Variants in NFYC observed in about 807,000 individuals in gnomAD.
NFYC encodes the protein nuclear transcription factor Y subunit gamma.
NFYC carries 25 observed loss-of-function variants against 53.1 expected under a neutral mutation model. The ratio of observed to expected loss-of-function variants is 0.47; its 90% confidence interval spans 0.34 to 0.66. The LOEUF (loss-of-function observed/expected upper bound fraction) is 0.66. Among genes scored for constraint, NFYC ranks in the 30% least tolerant of loss-of-function variants. The pLI is 0.01. For synonymous variants in NFYC, 145 were observed against 152.6 expected (o/e 0.95, Z 0.37); for missense variants, 260 against 422.7 (o/e 0.62, Z 3.38).
chr1:40,754,351 T>C, intron 5 of NFYC: 1 of 534,568 alleles, frequency 1.9e-6, no homozygotes, highest in Non-Finnish European at 3.8e-6. Context: ...TCTCCGTTCT[T>C]TCTGGGCAGT....
chr1:40,753,249 G>A lies in NFYC; in HGVS notation c.387+3G>A, dbSNP rs572169288. 1 of 1,609,202 alleles carries A rather than the reference G, an allele frequency of 6.2e-7. No homozygotes were observed. Among genetic ancestry groups the A allele is most frequent in the African/African-American group, 1.3e-5 (1 of 74,948 alleles). ...AACTGAAACCTCCAAAGCGTCAGGT[G>A]AGCTGTGAAGGGATTGCAGTTGCTG... On this transcript the variant is annotated splice_donor_region_variant and intron_variant, in intron 5 of 9. Transcript: ENST00000447388.
intron 1 of NFYC, among the ~76,000 whole-genome samples, chr1:40,731,803 A>G (rs989917960): frequency 6.6e-6 from 1 of 151,976 alleles, no homozygotes. Context: ...ATTTTTCTTA[A>G]TCTTTCTTCA....
intron 1 of NFYC, among the ~76,000 whole-genome samples, chr1:40,698,890 C>T (rs925002014): frequency 3.9e-5 from 6 of 152,182 alleles, no homozygotes; most frequent in African/African-American, 7.2e-5. Flanking sequence ...ATGGGCCGGG[C>T]GCCGTGGCTC....
intron 1 of NFYC, among the ~76,000 whole-genome samples, chr1:40,720,760 C>G (rs981540074): frequency 1.3e-5 from 2 of 152,114 alleles, no homozygotes; most frequent in Non-Finnish European, 2.9e-5. Flanking sequence ...CCCCGCTACT[C>G]AGGAGGCTGA....
chr1:40,698,739 C>T (rs897307031), intron 1 of NFYC, among the ~76,000 whole-genome samples: 2 of 152,164 alleles, frequency 1.3e-5, no homozygotes, highest in African/African-American at 4.8e-5. Flanking sequence ...TATCCTTTGC[C>T]TCCCGGGTTC....
intron 2 of NFYC, among the ~76,000 whole-genome samples, chr1:40,745,074 CTTA>C (rs1264493658): frequency 6.6e-6 from 1 of 152,130 alleles, no homozygotes; most frequent in Non-Finnish European, 1.5e-5. Context: ...TAAAGCAGAG[CTTA>C]TTATAAATTT....
intron 1 of NFYC, among the ~76,000 whole-genome samples, chr1:40,694,153 A>G (rs901516145): frequency 6.6e-6 from 1 of 152,246 alleles, no homozygotes; most frequent in African/African-American, 2.4e-5. Flanking sequence ...CCAAGTGCCT[A>G]GTGTAAAGAG....
chr1:40,766,631 C>T lies in NFYC; in HGVS notation c.756C>T (p.Arg252=), dbSNP rs1570748369. 2.3e-5 allele frequency: 37 copies of T among 1,614,016 alleles called. No individual in the cohort carries two copies. The East Asian group carries it at 8.2e-4, about 36-fold the overall frequency. ...QLNAGQLQYI[R]LAQPVSGTQV... ...ATGCCGGCCAGCTGCAGTATATCCG[C>T]TTAGCCCAGCCTGTATCAGGCACTC... Residue 252 remains arginine, a synonymous_variant, in exon 8 of 10, where the codon CGC becomes CGT. Coordinates refer to ENST00000447388, the MANE Select transcript of NFYC (RefSeq NM_014223.5).
rs768256782 is a variant in NFYC at position 40,770,514 on chromosome 1, C to T, written c.889-195C>T. ...CTCTTCCCTGCCCACCACACACCCC[C>T]CCTCACACCGGGCTGGTGCCTCCTG... On this transcript the variant is annotated intron_variant, in intron 9 of 9. Transcript: ENST00000447388. The surrounding 1 kb of genome is among the most constrained non-coding windows in gnomAD (Gnocchi z 5.3). The T allele has an allele frequency of 1.3e-5, 21 of 1,556,308 alleles. No homozygotes were observed. The highest frequency in any genetic ancestry group is 1.0e-5 in the Non-Finnish European group (12 of 1,149,708).
chr1:40,735,653 T>C (rs1570525830), intron 1 of NFYC: 4 of 985,346 alleles, frequency 4.1e-6, no homozygotes, highest in Admixed American at 6.1e-5. Context: ...TACAGAGATA[T>C]CGTCCTGGCA....
intron 5 of NFYC, among the ~76,000 whole-genome samples, chr1:40,756,549 T>G (rs1646233024): frequency 6.6e-6 from 1 of 152,160 alleles, no homozygotes; most frequent in Admixed American, 6.5e-5. Flanking sequence ...AGTCCTAGTT[T>G]TAGTATCCTA....
At chr1:40,760,841 A>T (rs1646506313) in intron 6 of NFYC, among the ~76,000 whole-genome samples, 1 of 152,236 alleles carries the variant, frequency 6.6e-6, no homozygotes, top group African/African-American at 2.4e-5. Flanking sequence ...GAGGGTTCAA[A>T]GATAATGGCT....
chr1:40,730,397 G>A (rs989802874), intron 1 of NFYC, among the ~76,000 whole-genome samples: 2 of 152,040 alleles, frequency 1.3e-5, no homozygotes, highest in South Asian at 4.1e-4. Context: ...CTTAGAGGCC[G>A]TTGTAGGGTT....
chr1:40,726,337 C>T (rs1189015756), intron 1 of NFYC, among the ~76,000 whole-genome samples: 6 of 151,756 alleles, frequency 4.0e-5, no homozygotes, highest in South Asian at 2.1e-4. Flanking sequence ...AGGCTGGTTT[C>T]GAACTCCTGA....
At chr1:40,768,569 A>G (rs1365925655) in intron 8 of NFYC, 2 of 152,228 alleles carry the variant, frequency 1.3e-5, no homozygotes. Context: ...TGCTGGCCAA[A>G]TGTTCCATAG....
chr1:40,768,661 A>G (rs1371657109), intron 8 of NFYC: 3 of 152,378 alleles, frequency 2.0e-5, no homozygotes, highest in African/African-American at 4.8e-5. Flanking sequence ...ATGCAGTTCT[A>G]CATGTCAGTA....
intron 2 of NFYC, among the ~76,000 whole-genome samples, chr1:40,744,375 G>C (rs914200051): frequency 6.6e-6 from 1 of 152,204 alleles, no homozygotes; most frequent in East Asian, 1.9e-4. Context: ...CTTTTCAGGT[G>C]ATTCTAACCT....
Position 40,770,378 on chromosome 1 carries a change from T to C in NFYC, c.889-331T>C. On this transcript the variant is annotated intron_variant, in intron 9 of 9. Transcript: ENST00000447388. The surrounding 1 kb of genome is among the most constrained non-coding windows in gnomAD (Gnocchi z 5.3). The stretch of plus-strand genomic sequence containing the variant: ...CAAGCTGCTGGTACAGTGGTTCGAA[T>C]TGCTTGTGTTTGCCACAGAGGAACA... 6.5e-7 allele frequency: 1 copy of C among 1,536,190 alleles called. No individual in the cohort carries two copies. Among genetic ancestry groups the C allele is most frequent in the Non-Finnish European group, 8.8e-7 (1 of 1,136,690 alleles).
intron 2 of NFYC, among the ~76,000 whole-genome samples, chr1:40,741,202 G>C (rs1048768548): frequency 6.6e-6 from 1 of 152,068 alleles, no homozygotes; most frequent in Non-Finnish European, 1.5e-5. Flanking sequence ...CCACTTTACA[G>C]TGGTTAGAAA....
Sources: allele counts gnomAD v4.1 joint callset (sites outside exome capture counted in the v4.1 genomes callset), GRCh38; gene constraint gnomAD v4.1.1; non-coding constraint Gnocchi (gnomAD v3.1); transcripts MANE v1.5; gene names NCBI Gene and HGNC (gene_info 2026-07-23, HGNC 2026-07-21).